The following KIDINS220 variants were observed in gnomAD, a reference collection of about 807,000 sequenced individuals.
KIDINS220 encodes the protein kinase D interacting substrate 220.
A neutral mutation model predicts 157.6 loss-of-function variants in KIDINS220; 63 were observed. That is an observed-to-expected ratio of 0.40 (90% CI 0.33 to 0.49). The LOEUF is 0.49. Among genes scored for constraint, KIDINS220 ranks in the 20% least tolerant of loss-of-function variants. The pLI is 0.66. For missense variants in KIDINS220, 1,772 were observed against 2,171.2 expected (o/e 0.82, Z 3.65); for synonymous variants, 732 against 783.6 (o/e 0.93, Z 1.10).
At chr2:8,784,423 C>A (rs1172135868) in intron 17 of KIDINS220, among the ~76,000 whole-genome samples, 1 of 152,178 alleles carries the variant, frequency 6.6e-6, no homozygotes, top group Non-Finnish European at 1.5e-5. Flanking sequence ...GTAAGCTAGA[C>A]TTCATCAAAA....
chr2:8,794,964 T>C (rs756041701), intron 11 of KIDINS220, among the ~76,000 whole-genome samples: 15 of 152,226 alleles, frequency 9.9e-5, no homozygotes, highest in Non-Finnish European at 2.1e-4. Flanking sequence ...CTTCGTACTT[T>C]GGAGGATATA....
chr2:8,815,209 T>C (rs926939426), intron 4 of KIDINS220, among the ~76,000 whole-genome samples: 1 of 152,004 alleles, frequency 6.6e-6, no homozygotes, highest in Admixed American at 6.6e-5. Context: ...AAGACCAGCC[T>C]GGGCAACATG....
chr2:8,813,780 C>T (rs955920317), intron 4 of KIDINS220, among the ~76,000 whole-genome samples: 1 of 152,012 alleles, frequency 6.6e-6, no homozygotes, highest in Non-Finnish European at 1.5e-5. Flanking sequence ...AAAAATTAGC[C>T]AGGCATGGTG....
At position 8,817,629 on chromosome 2, in the gene KIDINS220, G is replaced by T. The variant is rs769583763; in HGVS notation, c.295C>A (p.His99Asn). The T allele has an allele frequency of 6.3e-7, 1 of 1,597,694 alleles. No homozygotes were observed. Among genetic ancestry groups the T allele is most frequent in the South Asian group, 1.1e-5 (1 of 88,882 alleles). Residue 99 changes from histidine to asparagine, a missense_variant, in exon 4 of 30, where the codon CAC becomes AAC. Coordinates refer to ENST00000256707, the MANE Select transcript of KIDINS220 (RefSeq NM_020738.4). ...ELLKCGVNLE[H>N]RDMGGWTALM... ...AAAAATGTCCATACCATATCACGGT[G>T]CTCCAAGTTAACCCCACATTTCAGT... is the stretch of plus-strand genomic sequence containing the variant.
At chr2:8,747,225 G>A in intron 25 of KIDINS220, 24 bp from the exon 26 acceptor site, 1 of 1,612,782 alleles carries the variant, frequency 6.2e-7, no homozygotes, top group South Asian at 1.1e-5. Flanking sequence ...ACAGGAGAGT[G>A]TGGGTGAAAA....
At chr2:8,757,669 T>C in intron 22 of KIDINS220, 1 of 1,612,402 alleles carries the variant, frequency 6.2e-7, no homozygotes. Context: ...CTGTTCCATG[T>C]CCTGCTTATT....
chr2:8,785,351 T>C (rs931339927), intron 17 of KIDINS220, among the ~76,000 whole-genome samples: 13 of 152,308 alleles, frequency 8.5e-5, no homozygotes, highest in African/African-American at 2.9e-4. Flanking sequence ...ATACATGTTA[T>C]ACATTTGTCC....
intron 11 of KIDINS220, among the ~76,000 whole-genome samples, chr2:8,796,362 C>G (rs1415811891): frequency 6.6e-6 from 1 of 152,182 alleles, no homozygotes; most frequent in Non-Finnish European, 1.5e-5. Flanking sequence ...AGGATTATAG[C>G]AAGGACACGC....
At chr2:8,770,232 C>T (rs890478741) in intron 22 of KIDINS220, among the ~76,000 whole-genome samples, 3 of 151,860 alleles carry the variant, frequency 2.0e-5, no homozygotes, top group Non-Finnish European at 4.4e-5. Context: ...TGCAAGTCCC[C>T]GCCTCTACAA....
intron 22 of KIDINS220, among the ~76,000 whole-genome samples, chr2:8,766,193 A>G (rs1210254361): frequency 3.5e-5 from 4 of 114,714 alleles, no homozygotes; most frequent in African/African-American, 1.0e-4. Flanking sequence ...CTGACCTCCT[A>G]CTCACTTGCT....
rs1416948261 is a variant in KIDINS220 at position 8,729,445 on chromosome 2, C to G, written c.*1275G>C. 1 of 985,290 alleles carries G rather than the reference C, an allele frequency of 1.0e-6. No individual in the cohort carries two copies. The allele number at this position is 985,290 out of a possible 1,614,324, so 61.0% of individuals were successfully genotyped here. On this transcript the variant is annotated 3_prime_UTR_variant, in exon 30 of 30. Coordinates refer to ENST00000256707, the MANE Select transcript of KIDINS220 (RefSeq NM_020738.4). ...CCAGAATTCATTCTACATAAATGAG[C>G]TATGTTAAAACGATAACAATATTTC...
chr2:8,745,008 G>A (rs1189338992), intron 26 of KIDINS220, among the ~76,000 whole-genome samples: 1 of 152,092 alleles, frequency 6.6e-6, no homozygotes, highest in Non-Finnish European at 1.5e-5. Flanking sequence ...CACATCTCAA[G>A]AATCACACGA....
rs559831416 is a variant in KIDINS220 at position 8,790,040 on chromosome 2, G to A, written c.1461C>T (p.Ala487=). 2.4e-5 allele frequency: 39 copies of A among 1,592,248 alleles called. No individual in the cohort carries two copies. The highest frequency in any genetic ancestry group is 1.8e-4 in the African/African-American group (13 of 73,480). The change falls in exon 14 of 30, where the codon GCC becomes GCT. Residue 487 remains alanine, a synonymous_variant. Transcript: ENST00000256707. Reference sequence around the variant, plus strand: ...GAAAGAGAGGCTCAATCTGTTGTCCGGCGAAGGTTTTCATTTCGTCTGAAA... The same window carrying A: ...GAAAGAGAGGCTCAATCTGTTGTCCAGCGAAGGTTTTCATTTCGTCTGAAA... ...KKLEDEMKTF[A]GQQIEPLFQF...
intron 26 of KIDINS220, chr2:8,740,149 T>C: frequency 3.1e-6 from 3 of 981,816 alleles, no homozygotes; most frequent in Non-Finnish European, 3.6e-6. Flanking sequence ...AGAGTTTCTG[T>C]ACCTGTCTCT....
At chr2:8,728,571 T>C (rs914847177), downstream of KIDINS220, among the ~76,000 whole-genome samples, 3 of 152,208 alleles carry the variant, frequency 2.0e-5, no homozygotes, top group African/African-American at 7.2e-5. Flanking sequence ...AATTTCGGTA[T>C]CAGTATGAAA....
At chr2:8,807,607 C>T (rs1027099535) in intron 6 of KIDINS220, among the ~76,000 whole-genome samples, 5 of 152,130 alleles carry the variant, frequency 3.3e-5, no homozygotes, top group East Asian at 1.9e-4. Context: ...TGAGCAGAGT[C>T]GCTCTATAAA....
chr2:8,733,432 T>C lies in KIDINS220; in HGVS notation c.4053+12A>G. 6 of 1,597,226 alleles carry C rather than the reference T, an allele frequency of 3.8e-6. No individual in the cohort carries two copies. The highest frequency in any genetic ancestry group is 2.2e-5 in the East Asian group (1 of 44,720). On this transcript the variant is annotated intron_variant, in intron 29 of 29. Transcript: ENST00000256707. ...TTCTTCAATAATATGAAAAATGCCA[T>C]TCAATAAATACCTGCCAACTTAGAT...
chr2:8,730,375 T>C lies in KIDINS220; in HGVS notation c.*345A>G. On this transcript the variant is annotated 3_prime_UTR_variant, in exon 30 of 30. Transcript: ENST00000256707. ...GTTTGCAAAAAGGGTCTCTAGCTTT[T>C]TTTCTTTTTGGCACATTAAGCCCTT... 3 of 1,043,650 alleles carry C rather than the reference T, an allele frequency of 2.9e-6. No homozygotes were observed. Among genetic ancestry groups the C allele is most frequent in the Non-Finnish European group, 2.3e-6 (2 of 868,758 alleles). 64.6% of individuals were successfully genotyped at this position (1,043,650 alleles called of 1,614,324 possible).
In KIDINS220 at chr2:8,788,698, A is replaced by C; in HGVS notation, c.1736T>G (p.Phe579Cys). ...GYLELLLKLM[F>C]VNPPELPEQT... ...CTCTGGCAACTCAGGTGGATTCACA[A>C]ACATCAATTTAAGGAGGAGTTCCAA... is the stretch of plus-strand genomic sequence containing the variant. The change falls in exon 15 of 30, where the codon TTT becomes TGT. Residue 579 changes from phenylalanine to cysteine, a missense_variant. Phe to Cys is a radical substitution (Grantham distance 205, BLOSUM62 -2). This residue lies in a region of KIDINS220 where 725 missense variants were observed against 1,017.1 expected (regional missense o/e 0.71). Transcript: ENST00000256707. 1.2e-6 allele frequency: 2 copies of C among 1,614,230 alleles called. No homozygotes were observed. Among genetic ancestry groups the C allele is most frequent in the Non-Finnish European group, 1.7e-6 (2 of 1,180,014 alleles).
Sources: gnomAD v4.1 joint callset for allele counts (sites outside exome capture counted in the v4.1 genomes callset) on GRCh38, gnomAD v4.1.1 for gene constraint, gnomAD v4.1.1 regional missense constraint, MANE v1.5 for transcripts, NCBI Gene and HGNC (gene_info 2026-07-23, HGNC 2026-07-21) for gene names.